FBXO24: variants seen among roughly 807,000 people sequenced by gnomAD.
The protein encoded by FBXO24 is F-box protein 24, also known as F-box only protein 24.
A neutral mutation model predicts 63.5 loss-of-function variants in FBXO24; 30 were observed. The observed-to-expected ratio is 0.47, with a 90% CI of 0.35 to 0.64. The LOEUF is 0.64. Among genes scored for constraint, FBXO24 ranks in the 30% least tolerant of loss-of-function variants. The pLI, the probability that FBXO24 is intolerant of heterozygous loss-of-function variation, is 0.00. For synonymous variants in FBXO24, 300 were observed against 305.0 expected (o/e 0.98, Z 0.17); for missense variants, 624 against 763.4 (o/e 0.82, Z 2.15).
chr7:100,586,892 T>C, intron 1 of FBXO24: 2 of 351,876 alleles, frequency 5.7e-6, no homozygotes, highest in Non-Finnish European at 1.1e-5. Context: ...CTGGCAGGGG[T>C]CTCGGGACCC....
At chr7:100,591,031 A>ATTTTTTTTTTTT (rs930978218) in intron 3 of FBXO24, among the ~76,000 whole-genome samples, 6 of 86,668 alleles carry the variant, frequency 6.9e-5, no homozygotes, top group Non-Finnish European at 1.1e-4. Flanking sequence ...TTTTTCTTTG[A>ATTTTTTTTTTTT]TTTTTTTTTT....
In FBXO24 at chr7:100,595,153, T is replaced by A. The variant is rs1562819896; in HGVS notation, c.1004T>A (p.Leu335His). ...EVHTPGVYRD[L>H]FGTLQAFDPL... ...CATACCCCAGGGGTGTATCGCGATC[T>A]CTTTGGGACCCTTCAAGCCTTTGAC... is the stretch of plus-strand genomic sequence containing the variant. The change falls in exon 7 of 10, where the codon CTC (leucine) becomes CAC (histidine). Residue 335 changes from leucine to histidine, a missense_variant. Transcript: ENST00000241071. The A allele has an allele frequency of 6.2e-7, 1 of 1,614,082 alleles. No homozygotes were observed. Among genetic ancestry groups the A allele is most frequent in the Admixed American group, 1.7e-5 (1 of 60,016 alleles).
In FBXO24 at chr7:100,593,123, C is replaced by T; in HGVS notation, c.793+106C>T. On this transcript the variant is annotated intron_variant, in intron 5 of 9. Transcript: ENST00000241071. ...CCCTCAGACTGGGTTCCATATGCCA[C>T]CTTATCCTAGTCTCCATCTAAACAG... 4.9e-6 allele frequency: 4 copies of T among 809,262 alleles called. 1 individual carries two copies. The South Asian group carries it at 6.4e-5, about 13-fold the overall frequency. 50.1% of individuals were successfully genotyped at this position (809,262 alleles called of 1,614,324 possible). A position where few individuals can be genotyped will look rare whatever the true frequency, so the allele number is the denominator to read the frequency against.
chr7:100,589,784 G>A lies in FBXO24; in HGVS notation c.40-193G>A, dbSNP rs750815359. The A allele has an allele frequency of 8.6e-5, 132 of 1,530,716 alleles. No individual in the cohort carries two copies. In the African/African-American group the frequency reaches 1.5e-3, roughly 17 times the overall value. 94.8% of individuals were successfully genotyped at this position (1,530,716 alleles called of 1,614,324 possible). A position where few individuals can be genotyped will look rare whatever the true frequency, so the allele number is the denominator to read the frequency against. ...TCACCAGGCTGTGTGGACGGGAGGA[G>A]GGGCTCCGGGTGAGGGGGATTGGCC... On this transcript the variant is annotated intron_variant, in intron 1 of 9. Coordinates refer to ENST00000241071, the MANE Select transcript of FBXO24 (RefSeq NM_033506.3).
At chr7:100,589,741 G>C (rs1310689951) in intron 1 of FBXO24, 1 of 1,547,384 alleles carries the variant, frequency 6.5e-7, no homozygotes, top group Non-Finnish European at 8.7e-7. Context: ...GGAAGCCAGA[G>C]ACGGAAGCTG....
rs1562817164 is a variant in FBXO24 at position 100,591,756 on chromosome 7, C to CG, written c.413dup (p.Phe139LeufsTer12). On this transcript the variant is annotated frameshift_variant, in exon 4 of 10. Transcript: ENST00000241071. LOFTEE classifies it high-confidence loss of function. ...CCCCTTGCTAGCCCACGGCTACCGC[C>CG]GCTTCTTGCCCACCAAGGATCACGT... The CG allele has an allele frequency of 4.3e-6, 7 of 1,614,280 alleles. No individual in the cohort carries two copies.
In FBXO24 at chr7:100,600,134, G is replaced by A. The variant is rs780839521; in HGVS notation, c.1310G>A (p.Cys437Tyr). ...EFSKELLGCG[C>Y]GAGGRLPGWP... ...AGCAAGGAGCTGCTGGGCTGCGGCT[G>A]TGGGGCTGGGGGCCGCCTCCCAGGC... The change falls in exon 9 of 10, where the codon TGT becomes TAT. Residue 437 changes from cysteine (C) to tyrosine (Y), a missense_variant. Cys to Tyr is a radical substitution (Grantham distance 194, BLOSUM62 -2). This residue lies in a region of FBXO24 where 216 missense variants were observed against 245.2 expected (regional missense o/e 0.88). Transcript: ENST00000241071. This position sits in a 1 kb window ranked among gnomAD's most constrained non-coding sequence, Gnocchi z 6.3. The A allele has an allele frequency of 2.5e-6, 4 of 1,599,558 alleles. No homozygotes were observed. The highest frequency in any genetic ancestry group is 1.3e-5 in the African/African-American group (1 of 74,802).
rs1801759294 is a variant in FBXO24, at chr7:100,586,506, C to T, written c.-120C>T. ...CAAGCAGGGGGTGCCTAGTCCTCGT[C>T]CCCCAAAGACCAATCGTAAGCCAGA... On this transcript the variant is annotated 5_prime_UTR_variant, in exon 1 of 10. Coordinates refer to ENST00000241071, the MANE Select transcript of FBXO24 (RefSeq NM_033506.3). 1.9e-6 allele frequency: 2 copies of T among 1,061,578 alleles called. No homozygotes were observed. Among genetic ancestry groups the T allele is most frequent in the African/African-American group, 1.6e-5 (1 of 64,050 alleles). 65.8% of individuals were successfully genotyped at this position (1,061,578 alleles called of 1,614,324 possible). A position where few individuals can be genotyped will look rare whatever the true frequency, so the allele number is the denominator to read the frequency against.
Position 100,590,060 on chromosome 7 carries a change from G to C in FBXO24, c.123G>C (p.Leu41Phe). The C allele has an allele frequency of 6.8e-6, 11 of 1,613,576 alleles. No homozygotes were observed. The highest frequency in any genetic ancestry group is 9.3e-6 in the Non-Finnish European group (11 of 1,179,790). Residue 41 changes from leucine to phenylalanine, a missense_variant, in exon 2 of 10, where the codon TTG becomes TTC. Physicochemically the swap from Leu to Phe is conservative, Grantham distance 22. Transcript: ENST00000241071. ...RGKGNPISIQ[L>F]FPPELVEHII... is the part of the protein sequence containing the mutation. ...AAGGAAATCCGATTTCCATCCAGTT[G>C]TTCCCCCCAGAGCTGGTGAGTCCTT...
intron 8 of FBXO24, among the ~76,000 whole-genome samples, chr7:100,596,288 G>GA (rs1802305684): frequency 6.6e-6 from 1 of 152,042 alleles, no homozygotes; most frequent in South Asian, 2.1e-4. Context: ...CAAAGAAAAA[G>GA]AAAAAAGATG....
At chr7:100,595,415 C>A (rs978345327) in intron 7 of FBXO24, among the ~76,000 whole-genome samples, 160 bp from the exon 8 acceptor site, 1 of 151,766 alleles carries the variant, frequency 6.6e-6, no homozygotes, top group Non-Finnish European at 1.5e-5. Flanking sequence ...AGCCCAGGAG[C>A]TCTAGACCAG....
At chr7:100,598,296 A>C (rs1028590871) in intron 8 of FBXO24, among the ~76,000 whole-genome samples, 2 of 152,248 alleles carry the variant, frequency 1.3e-5, no homozygotes, top group Admixed American at 6.5e-5. Context: ...TGGGATTTCC[A>C]ATGATTTTAA....
At chr7:100,597,875 G>C (rs113409997) in intron 8 of FBXO24, among the ~76,000 whole-genome samples, 1 of 137,810 alleles carries the variant, frequency 7.3e-6, no homozygotes, top group Non-Finnish European at 1.6e-5. Flanking sequence ...ATAAGTTTTT[G>C]TTTTTTTTGT....
At chr7:100,591,639 GA>G (rs761446675) in intron 3 of FBXO24, 27 bp from the exon 4 acceptor site, 1 of 1,607,212 alleles carries the variant, frequency 6.2e-7, no homozygotes, top group Non-Finnish European at 8.5e-7. Context: ...CTCATCCCTT[GA>G]ACCTTCCATC....
In FBXO24 at chr7:100,586,768, A is replaced by G. The variant is rs923227843; in HGVS notation, c.39+104A>G. On this transcript the variant is annotated intron_variant, in intron 1 of 9. Transcript: ENST00000241071. ...GTGGCGAGTGCGAGCTGGACGTGTT[A>G]GGGGGCTAGCCGGCGTCCAGGGCTT... 26 of 1,317,442 alleles carry G rather than the reference A, an allele frequency of 2.0e-5. No homozygotes were observed. The East Asian group carries it at 5.8e-4, about 29-fold the overall frequency. 81.6% of individuals were successfully genotyped at this position (1,317,442 alleles called of 1,614,324 possible).
intron 6 of FBXO24, 32 bp from the exon 7 acceptor site, chr7:100,595,070 A>C (rs970081142): frequency 1.2e-6 from 2 of 1,611,972 alleles, no homozygotes; most frequent in African/African-American, 2.7e-5. Context: ...GGGTGCCCAA[A>C]GCTGCTGAGC....
chr7:100,590,394 C>A, intron 3 of FBXO24, 37 bp downstream of exon 3: 1 of 1,574,168 alleles, frequency 6.4e-7, no homozygotes, highest in Non-Finnish European at 8.7e-7. Flanking sequence ...CTCCTTGCCT[C>A]TGTCCCGCCT....
intron 1 of FBXO24, 167 bp downstream of exon 1, chr7:100,586,831 G>C: frequency 1.3e-6 from 1 of 749,962 alleles, no homozygotes; most frequent in Non-Finnish European, 2.4e-6. Context: ...CAGTGCACTG[G>C]CGGTTGTCGC....
chr7:100,592,078 G>T, intron 4 of FBXO24, 176 bp downstream of exon 4: 1 of 594,160 alleles, frequency 1.7e-6, no homozygotes, highest in Non-Finnish European at 3.0e-6. Context: ...CTGGCCAAAT[G>T]GCGAAACCCG....
Sources: allele counts gnomAD v4.1 joint callset (sites outside exome capture counted in the v4.1 genomes callset), GRCh38; gene constraint gnomAD v4.1.1; regional missense constraint gnomAD v4.1.1; non-coding constraint Gnocchi (gnomAD v3.1); transcripts MANE v1.5; gene names NCBI Gene and HGNC (gene_info 2026-07-23, HGNC 2026-07-21).